LCOR: variants seen among roughly 807,000 people sequenced by gnomAD.
LCOR encodes the protein ligand dependent nuclear receptor corepressor, also known as ligand-dependent corepressor.
A neutral mutation model predicts 64.4 loss-of-function variants in LCOR; 14 were observed. The observed-to-expected ratio is 0.22, with a 90% CI of 0.14 to 0.34. The LOEUF (loss-of-function observed/expected upper bound fraction) is 0.34, where lower values mean the gene tolerates loss of function less well. Among genes scored for constraint, LCOR ranks in the 10% least tolerant of loss-of-function variants. LCOR has a pLI of 1.00. For missense variants in LCOR, 1,686 were observed against 1,765.3 expected (o/e 0.96, Z 0.80); for synonymous variants, 643 against 642.5 (o/e 1.00, Z -0.01).
chr10:96,876,013 TA>T (rs78165964), intron 2 of LCOR, among the ~76,000 whole-genome samples: 2,188 of 139,728 alleles, frequency 0.016, 21 homozygotes, highest in African/African-American at 0.03. Context: ...ACTTAAACAT[TA>T]AAAAAAAAAA....
intron 7 of LCOR, chr10:96,957,478 C>G (rs1409617680): frequency 2.0e-6 from 2 of 985,166 alleles, no homozygotes; most frequent in African/African-American, 3.5e-5. Flanking sequence ...TTGTGCAAAA[C>G]AAATTCCACA....
intron 7 of LCOR, among the ~76,000 whole-genome samples, chr10:96,966,468 T>G (rs1847952359): frequency 6.6e-6 from 1 of 152,104 alleles, no homozygotes; most frequent in Non-Finnish European, 1.5e-5. Flanking sequence ...GACCTCGTGA[T>G]CCGCCCGTCT....
At chr10:96,974,528 G>A (rs1385255506) in intron 7 of LCOR, among the ~76,000 whole-genome samples, 1 of 152,168 alleles carries the variant, frequency 6.6e-6, no homozygotes, top group African/African-American at 2.4e-5. Flanking sequence ...GAAGGACATC[G>A]TATGATACAG....
intron 7 of LCOR, among the ~76,000 whole-genome samples, chr10:96,952,540 C>A (rs966205215): frequency 6.7e-6 from 1 of 150,150 alleles, no homozygotes; most frequent in African/African-American, 2.5e-5. Context: ...AATTGAACTC[C>A]AATACTTGGT....
chr10:96,982,391 T>C lies in LCOR; in HGVS notation c.1931T>C (p.Met644Thr), dbSNP rs542265504. 2.5e-5 allele frequency: 40 copies of C among 1,614,210 alleles called. No homozygotes were observed. Among genetic ancestry groups the C allele is most frequent in the Middle Eastern group, 1.6e-4 (1 of 6,062 alleles). ...GTCTCAGCTCCCACAGCAAGTGGGA[T>C]GTCTTCTCCTGAACACAACCAACCA... ...STVSAPTASGMSSPEHNQPPV... is the reference protein window; with the variant it reads ...STVSAPTASGTSSPEHNQPPV... Residue 644 changes from methionine to threonine, a missense_variant, in exon 8 of 8, where the codon ATG (methionine) becomes ACG (threonine). Transcript: ENST00000421806.
intron 2 of LCOR, among the ~76,000 whole-genome samples, chr10:96,834,423 G>T (rs1589592351): frequency 6.6e-6 from 1 of 152,070 alleles, no homozygotes; most frequent in East Asian, 1.9e-4. Flanking sequence ...CCTGTACTCT[G>T]CTCTATCTCT....
At chr10:96,866,735 C>A (rs1845980714) in intron 2 of LCOR, among the ~76,000 whole-genome samples, 1 of 151,672 alleles carries the variant, frequency 6.6e-6, no homozygotes, top group South Asian at 2.1e-4. Flanking sequence ...CTACCACACC[C>A]AGCTAATTAT....
rs1554833674 is a variant in LCOR at position 96,875,385 on chromosome 10, A to AAT, written c.-329-31879_-329-31878insTA. Among the ~76,000 whole-genome samples, 6 of 151,690 alleles carry AAT rather than the reference A, an allele frequency of 4.0e-5. No homozygotes were observed. The East Asian group carries it at 7.8e-4, about 20-fold the overall frequency. On this transcript the variant is annotated intron_variant, in intron 2 of 7. Coordinates refer to ENST00000421806, the MANE Select transcript of LCOR (RefSeq NM_001346516.2). ...GAGACTCTGTCTCAAATAAAAAAAA[A>AAT]AATAATAATAATACCTAGTATAAAA...
intron 7 of LCOR, chr10:96,961,088 A>T (rs1038103474): frequency 5.3e-5 from 8 of 152,146 alleles, no homozygotes; most frequent in Non-Finnish European, 8.8e-5. Flanking sequence ...ACTTCTGAGA[A>T]GAGGCTAAAA....
chr10:96,883,263 C>T (rs911177674), intron 2 of LCOR, among the ~76,000 whole-genome samples: 1 of 152,128 alleles, frequency 6.6e-6, no homozygotes, highest in Non-Finnish European at 1.5e-5. Flanking sequence ...TGAACTCCAA[C>T]CTCAGGTGAT....
At position 96,982,888 on chromosome 10, in the gene LCOR, C is replaced by A. The variant is rs1220508210; in HGVS notation, c.2428C>A (p.Pro810Thr). ...LDKKKKGKKF[P>T]EASDRCLRSQ... The stretch of plus-strand genomic sequence containing the variant: ...CAAGAAGAAAAAAGGTAAAAAATTC[C>A]CTGAGGCCTCTGATAGGTGCCTAAG... The change falls in exon 8 of 8, where the codon CCT (proline) becomes ACT (threonine). Residue 810 changes from proline (P) to threonine (T), a missense_variant. Pro to Thr is a conservative substitution (Grantham distance 38). This residue lies in a region of LCOR where 1,293 missense variants were observed against 1,410.4 expected (regional missense o/e 0.92). Coordinates refer to ENST00000421806, the MANE Select transcript of LCOR (RefSeq NM_001346516.2). The A allele has an allele frequency of 1.9e-6, 3 of 1,613,968 alleles. No individual in the cohort carries two copies. The highest frequency in any genetic ancestry group is 2.5e-6 in the Non-Finnish European group (3 of 1,180,026).
At chr10:96,915,741 C>A in intron 4 of LCOR, 1 of 648,672 alleles carries the variant, frequency 1.5e-6, no homozygotes, top group Non-Finnish European at 2.9e-6. Context: ...TCCTTTTTCC[C>A]TTTGGGTACC....
chr10:96,967,111 T>A (rs1274270423), intron 7 of LCOR, among the ~76,000 whole-genome samples: 1 of 152,208 alleles, frequency 6.6e-6, no homozygotes, highest in Non-Finnish European at 1.5e-5. Flanking sequence ...TCGTTGTTCA[T>A]CAGCAGTATG....
At chr10:96,835,044 G>A (rs1845418627) in intron 2 of LCOR, among the ~76,000 whole-genome samples, 1 of 152,166 alleles carries the variant, frequency 6.6e-6, no homozygotes, top group African/African-American at 2.4e-5. Context: ...GGGACTACAG[G>A]CGTGCGCCAC....
rs1418340521 is a variant in LCOR at position 96,985,196 on chromosome 10, A to G, written c.*62A>G. 6.7e-7 allele frequency: 1 copy of G among 1,495,410 alleles called. No individual in the cohort carries two copies. Among genetic ancestry groups the G allele is most frequent in the East Asian group, 2.3e-5 (1 of 43,316 alleles). 92.6% of individuals were successfully genotyped at this position (1,495,410 alleles called of 1,614,324 possible). On this transcript the variant is annotated 3_prime_UTR_variant, in exon 8 of 8. Coordinates refer to ENST00000421806, the MANE Select transcript of LCOR (RefSeq NM_001346516.2). Reference sequence around the variant, plus strand: ...AGAAGTAACCTTTTATTTTGCATTAACTAAATCTGCTTTTATAAGCTTATC... The same window carrying G: ...AGAAGTAACCTTTTATTTTGCATTAGCTAAATCTGCTTTTATAAGCTTATC...
At chr10:96,965,587 A>G (rs1847940785) in intron 7 of LCOR, among the ~76,000 whole-genome samples, 1 of 145,918 alleles carries the variant, frequency 6.9e-6, no homozygotes, top group African/African-American at 2.5e-5. Flanking sequence ...GCGTGAACCC[A>G]GGAGGCAGAG....
At chr10:96,851,258 A>G (rs1845717717) in intron 2 of LCOR, among the ~76,000 whole-genome samples, 1 of 152,224 alleles carries the variant, frequency 6.6e-6, no homozygotes, top group Admixed American at 6.5e-5. Context: ...CTCATCAGAA[A>G]TGTTTATGCC....
At chr10:96,937,787 T>C (rs867769354) in intron 4 of LCOR, among the ~76,000 whole-genome samples, 2 of 152,022 alleles carry the variant, frequency 1.3e-5, no homozygotes, top group African/African-American at 2.4e-5. Context: ...ACCAAAGATA[T>C]CACAAGAAAA....
intron 5 of LCOR, 49 bp from the exon 6 acceptor site, chr10:96,948,959 T>G (rs537745677): frequency 7.2e-7 from 1 of 1,385,114 alleles, no homozygotes; most frequent in African/African-American, 1.4e-5. Flanking sequence ...AAAGCTGTCT[T>G]TTTTAGTACA....
Sources: gnomAD v4.1 joint callset for allele counts (sites outside exome capture counted in the v4.1 genomes callset) on GRCh38, gnomAD v4.1.1 for gene constraint, gnomAD v4.1.1 regional missense constraint, MANE v1.5 for transcripts, NCBI Gene and HGNC (gene_info 2026-07-23, HGNC 2026-07-21) for gene names.